The following HS3ST3B1 variants were observed in gnomAD, a reference collection of about 807,000 sequenced individuals.
HS3ST3B1 encodes heparan sulfate-glucosamine 3-sulfotransferase 3B1, also known as heparan sulfate glucosamine 3-O-sulfotransferase 3B1.
Under a neutral mutation model 21.3 loss-of-function variants are expected in HS3ST3B1, and 13 were observed. The ratio of observed to expected loss-of-function variants is 0.61; its 90% CI spans 0.40 to 0.97. HS3ST3B1 has a LOEUF of 0.97. Ranked by LOEUF, HS3ST3B1 falls within the 50% of genes least tolerant of loss-of-function variation. HS3ST3B1 has a pLI of 0.00. For missense variants in HS3ST3B1, 459 were observed against 554.8 expected (o/e 0.83, Z 1.73); for synonymous variants, 234 against 254.8 (o/e 0.92, Z 0.78).
intron 1 of HS3ST3B1, 121 bp from the exon 2 acceptor site, chr17:14,344,907 A>T (rs1160565416): frequency 5.7e-6 from 8 of 1,392,728 alleles, no homozygotes; most frequent in Non-Finnish European, 7.7e-6. Context: ...CTTGCATTTT[A>T]CATGTTTCTA....
At position 14,347,763 on chromosome 17, in the gene HS3ST3B1, G is replaced by C. The variant is rs916916729; in HGVS notation, c.*2117G>C. On this transcript the variant is annotated 3_prime_UTR_variant, in exon 2 of 2. Coordinates refer to ENST00000360954, the MANE Select transcript of HS3ST3B1 (RefSeq NM_006041.3). ...GGTTCTGTTTTGGAGGAAGCTCATG[G>C]GGGATCTGTGTATTTCTTAGGTTTC... 1 of 152,104 alleles carries C rather than the reference G, an allele frequency of 6.6e-6. No individual in the cohort carries two copies. Among genetic ancestry groups the C allele is most frequent in the Non-Finnish European group, 1.5e-5 (1 of 68,022 alleles). The allele number at this position is 152,104 out of a possible 1,614,324, so 9.4% of individuals were successfully genotyped here.
chr17:14,330,888 G>A (rs1244384710), intron 1 of HS3ST3B1, among the ~76,000 whole-genome samples: 2 of 152,026 alleles, frequency 1.3e-5, no homozygotes, highest in Admixed American at 1.3e-4. Flanking sequence ...GTTAGAGACC[G>A]GGAAGCTAGG....
intron 1 of HS3ST3B1, among the ~76,000 whole-genome samples, chr17:14,319,443 T>C (rs1909592173): frequency 6.6e-6 from 1 of 152,184 alleles, no homozygotes; most frequent in Non-Finnish European, 1.5e-5. Flanking sequence ...GGAATCAGGT[T>C]GATTCCAGCT....
intron 1 of HS3ST3B1, among the ~76,000 whole-genome samples, chr17:14,315,175 G>A (rs1317125887): frequency 6.6e-6 from 1 of 152,162 alleles, no homozygotes; most frequent in Non-Finnish European, 1.5e-5. Flanking sequence ...GGTGTCAGCA[G>A]AATACCCAAT....
chr17:14,301,545 A>C lies in HS3ST3B1; in HGVS notation c.27A>C (p.Arg9Ser). The C allele has an allele frequency of 6.3e-7, 1 of 1,580,684 alleles. No homozygotes were observed. Among genetic ancestry groups the C allele is most frequent in the Non-Finnish European group, 8.5e-7 (1 of 1,171,778 alleles). Residue 9 changes from arginine (R) to serine (S), a missense_variant, in exon 1 of 2, where the codon AGA becomes AGC. Arg to Ser is a moderately radical substitution (Grantham distance 110). Coordinates refer to ENST00000360954, the MANE Select transcript of HS3ST3B1 (RefSeq NM_006041.3). MGQRLSGG[R>S]SCLDVPGRLL... ...TGGGGCAGCGCCTGAGTGGCGGCAG[A>C]TCTTGCCTCGATGTCCCCGGCCGGC...
rs111908702 is a variant in HS3ST3B1 at position 14,310,762 on chromosome 17, G to T, written c.554+8690G>T. ...ATCCAGCCCTTCCTCCTGATGTGCT[G>T]TCGGGCTTGTCCCTGGTGCCCTCTT... On this transcript the variant is annotated intron_variant, in intron 1 of 1. Transcript: ENST00000360954. Among the ~76,000 whole-genome samples, 672 of 152,270 alleles carry T rather than the reference G, an allele frequency of 4.4e-3. 1 individual carries two copies. The highest frequency in any genetic ancestry group is 0.01 in the South Asian group (50 of 4,826).
At position 14,301,490 on chromosome 17, in the gene HS3ST3B1, A is replaced by T; in HGVS notation, c.-29A>T. ...CGGGACCCACGCCATGTGCTGAGCC[A>T]TGTCCCTGGCCGCGCCCGCGGGCAG... On this transcript the variant is annotated 5_prime_UTR_variant, in exon 1 of 2. The change abolishes an upstream ATG in the 5' untranslated region. Transcript: ENST00000360954. The T allele has an allele frequency of 1.4e-6, 2 of 1,478,468 alleles. No homozygotes were observed. Among genetic ancestry groups the T allele is most frequent in the Non-Finnish European group, 1.8e-6 (2 of 1,123,236 alleles). The allele number at this position is 1,478,468 out of a possible 1,614,324, so 91.6% of individuals were successfully genotyped here.
Position 14,338,219 on chromosome 17 carries a change from A to G in HS3ST3B1, c.555-6809A>G, listed in dbSNP as rs1320234371. ...CAGCTCACTGCAACCTCCACCTCTC[A>G]GGTTCAAGTGATTCTCCTGCCTCAG... On this transcript the variant is annotated intron_variant, in intron 1 of 1. Transcript: ENST00000360954. Among the ~76,000 whole-genome samples the G allele has an allele frequency of 2.0e-5, 3 of 151,670 alleles. No homozygotes were observed. In the East Asian group the frequency reaches 5.8e-4, roughly 29 times the overall value.
At chr17:14,337,219 GTTTCC>G (rs2142349606) in intron 1 of HS3ST3B1, among the ~76,000 whole-genome samples, 1 of 151,936 alleles carries the variant, frequency 6.6e-6, no homozygotes, top group African/African-American at 2.4e-5. Flanking sequence ...CTTTCTTCTA[GTTTCC>G]TTTCATTTGT....
At chr17:14,344,089 G>A (rs958091125) in intron 1 of HS3ST3B1, among the ~76,000 whole-genome samples, 12 of 152,026 alleles carry the variant, frequency 7.9e-5, no homozygotes, top group African/African-American at 1.4e-4. Flanking sequence ...TAGTAGAGAC[G>A]GGGTTTTGCC....
At chr17:14,344,031 G>A (rs1230861938) in intron 1 of HS3ST3B1, among the ~76,000 whole-genome samples, 1 of 151,882 alleles carries the variant, frequency 6.6e-6, no homozygotes, top group Non-Finnish European at 1.5e-5. Flanking sequence ...CAAGTAGCTG[G>A]GATTCCAGAC....
chr17:14,344,258 A>G (rs113810085), intron 1 of HS3ST3B1, among the ~76,000 whole-genome samples: 4,278 of 152,088 alleles, frequency 0.028, 125 homozygotes, highest in African/African-American at 0.069. Context: ...TTTATTTTAG[A>G]TTCAGGGGAT....
At position 14,308,236 on chromosome 17, in the gene HS3ST3B1, G is replaced by A. The variant is rs372551442; in HGVS notation, c.554+6164G>A. Among the ~76,000 whole-genome samples, 118 of 152,296 alleles carry A rather than the reference G, an allele frequency of 7.7e-4. 2 individuals carry two copies. In the South Asian group the frequency reaches 0.016, roughly 21 times the overall value. The stretch of plus-strand genomic sequence containing the variant: ...TGGGGAAAAGTTTAAGACGTGAGAA[G>A]CAATTACCATCTTAATAAAATGATA... On this transcript the variant is annotated intron_variant, in intron 1 of 1. Transcript: ENST00000360954.
chr17:14,325,957 A>G (rs1175520425), intron 1 of HS3ST3B1, among the ~76,000 whole-genome samples: 1 of 151,904 alleles, frequency 6.6e-6, no homozygotes. Context: ...GCCAGTCCTC[A>G]CCCCCTTGGA....
intron 1 of HS3ST3B1, among the ~76,000 whole-genome samples, chr17:14,324,012 G>C (rs1243125664): frequency 6.6e-6 from 1 of 152,136 alleles, no homozygotes; most frequent in Non-Finnish European, 1.5e-5. Context: ...GAGAGAGGCA[G>C]TAATTATTCT....
intron 1 of HS3ST3B1, among the ~76,000 whole-genome samples, chr17:14,343,188 G>A (rs899502850): frequency 6.6e-6 from 1 of 151,550 alleles, no homozygotes; most frequent in African/African-American, 2.4e-5. Flanking sequence ...GTTGCAGTGA[G>A]CCGAGATCGC....
chr17:14,340,045 CA>C (rs1910323966), intron 1 of HS3ST3B1, among the ~76,000 whole-genome samples: 1 of 152,130 alleles, frequency 6.6e-6, no homozygotes, highest in South Asian at 2.1e-4. Flanking sequence ...GCCAAAGGGG[CA>C]AAGAGGGACT....
chr17:14,329,558 GAAAA>G (rs1367833235), intron 1 of HS3ST3B1: 1 of 151,200 alleles, frequency 6.6e-6, no homozygotes, highest in Non-Finnish European at 1.5e-5. Flanking sequence ...GAAAAGGAAA[GAAAA>G]GAAGAAAAGA....
chr17:14,311,834 G>T (rs1011303387), intron 1 of HS3ST3B1, among the ~76,000 whole-genome samples: 1 of 152,074 alleles, frequency 6.6e-6, no homozygotes, highest in African/African-American at 2.4e-5. Context: ...TCGTTTCTCT[G>T]CAGGGCCTCC....
Sources: allele counts gnomAD v4.1 joint callset (sites outside exome capture counted in the v4.1 genomes callset), GRCh38; gene constraint gnomAD v4.1.1; transcripts MANE v1.5; gene names NCBI Gene and HGNC (gene_info 2026-07-23, HGNC 2026-07-21).